HERC6: variants seen among roughly 807,000 people sequenced by gnomAD.
The protein encoded by HERC6 is HECT and RLD domain containing E3 ubiquitin protein ligase family member 6, also known as probable E3 ubiquitin-protein ligase HERC6.
A neutral mutation model predicts 114.5 loss-of-function variants in HERC6; 101 were observed. The observed-to-expected ratio is 0.88, with a 90% confidence interval of 0.75 to 1.04. HERC6 has a LOEUF of 1.04. Ranked by LOEUF, HERC6 falls within the 50% of genes least tolerant of loss-of-function variation. The pLI, the probability that HERC6 is intolerant of heterozygous loss-of-function variation, is 0.00. For synonymous variants in HERC6, 408 were observed against 436.2 expected (o/e 0.94, Z 0.81); for missense variants, 1,133 against 1,230.9 (o/e 0.92, Z 1.19).
intron 20 of HERC6, among the ~76,000 whole-genome samples, 163 bp downstream of exon 20, chr4:88,437,944 A>G (rs1468388663): frequency 2.6e-5 from 4 of 152,180 alleles, no homozygotes; most frequent in Non-Finnish European, 4.4e-5. Flanking sequence ...TTCAAGGCCA[A>G]CCTGGCCAAC....
Position 88,383,268 on chromosome 4 carries a change from G to T in HERC6, c.247G>T (p.Gly83Trp). ...CCTAATTGTTGATCTCGTGAGCTGC[G>T]GGAAGGAGCACTCCCTGGCTGTGTG... ...ETLIVDLVSCGKEHSLAVCHK... is the reference protein window; with the variant it reads ...ETLIVDLVSCWKEHSLAVCHK... Residue 83 changes from glycine to tryptophan, a missense_variant, in exon 2 of 23, where the codon GGG becomes TGG. Transcript: ENST00000264346. 4 of 1,606,678 alleles carry T rather than the reference G, an allele frequency of 2.5e-6. No individual in the cohort carries two copies. Among genetic ancestry groups the T allele is most frequent in the East Asian group, 2.2e-5 (1 of 44,636 alleles).
At chr4:88,434,597 C>T (rs1033214281) in intron 17 of HERC6, among the ~76,000 whole-genome samples, 7 of 151,782 alleles carry the variant, frequency 4.6e-5, no homozygotes, top group Non-Finnish European at 2.9e-5. Flanking sequence ...GAGGAGGTAC[C>T]AACCTTATGA....
intron 13 of HERC6, among the ~76,000 whole-genome samples, chr4:88,418,637 T>C (rs559573070): frequency 2.2e-4 from 34 of 152,356 alleles, no homozygotes; most frequent in African/African-American, 6.7e-4. Flanking sequence ...CTTGGCTCAT[T>C]GCCTGGCCTT....
rs762397970 is a variant in HERC6 at position 88,390,753 on chromosome 4, G to A, written c.538G>A (p.Gly180Arg). 5 of 1,614,166 alleles carry A rather than the reference G, an allele frequency of 3.1e-6. No individual in the cohort carries two copies. The highest frequency in any genetic ancestry group is 1.1e-5 in the South Asian group (1 of 91,080). Residue 180 changes from glycine (G) to arginine (R), a missense_variant, in exon 4 of 23, where the codon GGG becomes AGG. Coordinates refer to ENST00000264346, the MANE Select transcript of HERC6 (RefSeq NM_017912.4). ...CCCGCAGAGGGTGAGGTCCCTGGAGGGGATCCCACTGGCTCAGGTGGCTGC... is the reference window on the plus strand; with the variant it reads ...CCCGCAGAGGGTGAGGTCCCTGGAGAGGATCCCACTGGCTCAGGTGGCTGC... ...ASPQRVRSLEGIPLAQVAAGG... is the reference protein window; with the variant it reads ...ASPQRVRSLERIPLAQVAAGG...
Position 88,424,610 on chromosome 4 carries a change from C to G in HERC6, c.1843C>G (p.Pro615Ala). The change falls in exon 15 of 23, where the codon CCC (proline) becomes GCC (alanine). Residue 615 changes from proline (P) to alanine (A), a missense_variant. Transcript: ENST00000264346. The stretch of plus-strand genomic sequence containing the variant: ...TATTTTTTAGATACCTGCAGAAACC[C>G]CCAGTCCTGTTATTTTCAGTGATTT... ...RDNHLIPAET[P>A]SPVIFSDFPF... The G allele has an allele frequency of 6.2e-7, 1 of 1,607,644 alleles. No individual in the cohort carries two copies. The highest frequency in any genetic ancestry group is 1.3e-5 in the African/African-American group (1 of 74,698).
intron 8 of HERC6, among the ~76,000 whole-genome samples, chr4:88,402,647 G>A (rs1038287993): frequency 4.6e-5 from 7 of 152,322 alleles, no homozygotes; most frequent in East Asian, 1.9e-4. Context: ...CATGGGAATC[G>A]TGGTATGAAG....
chr4:88,413,091 C>T lies in HERC6; in HGVS notation c.1383C>T (p.Leu461=), dbSNP rs375681649. The change falls in exon 12 of 23, where the codon CTC becomes CTT. Residue 461 remains leucine, a synonymous_variant. Transcript: ENST00000264346. ...TTTTACCACAGATAACTACGTGTCT[C>T]GAGGATGATCTGCTCAGAGCTCTTC... ...EWISSMITTC[L]EDDLLRALPC... The T allele has an allele frequency of 3.7e-6, 6 of 1,607,718 alleles. No homozygotes were observed. The African/African-American group carries it at 5.4e-5, about 14-fold the overall frequency.
At chr4:88,387,985 G>A (rs373104773) in intron 3 of HERC6, among the ~76,000 whole-genome samples, 4 of 152,130 alleles carry the variant, frequency 2.6e-5, no homozygotes, top group African/African-American at 4.8e-5. Flanking sequence ...AGAGTTTAAC[G>A]TTTTGCATTT....
intron 17 of HERC6, among the ~76,000 whole-genome samples, chr4:88,432,214 T>C (rs1361464467): frequency 6.6e-6 from 1 of 152,086 alleles, no homozygotes; most frequent in Non-Finnish European, 1.5e-5. Context: ...GTATAAGGTG[T>C]ATACGAACTA....
chr4:88,396,227 T>TTGATAAC, intron 6 of HERC6, 85 bp downstream of exon 6: 1 of 1,159,614 alleles, frequency 8.6e-7, no homozygotes, highest in Non-Finnish European at 1.1e-6. Flanking sequence ...TATGGAATGT[T>TTGATAAC]ATCAAACCTT....
At chr4:88,417,834 T>A (rs1736639587) in intron 13 of HERC6, among the ~76,000 whole-genome samples, 1 of 152,124 alleles carries the variant, frequency 6.6e-6, no homozygotes, top group South Asian at 2.1e-4. Context: ...TAATTCTAGC[T>A]ACTCTGGAAG....
chr4:88,383,387 G>A lies in HERC6; in HGVS notation c.359+7G>A, dbSNP rs2110228652. On this transcript the variant is annotated splice_region_variant and intron_variant, in intron 2 of 22. Transcript: ENST00000264346. ...AAATAAGTTTCACACCTAAGTAAGT[G>A]TTTCAACCCACTCCTTCATTTATTC... 4 of 1,477,430 alleles carry A rather than the reference G, an allele frequency of 2.7e-6. No individual in the cohort carries two copies. The highest frequency in any genetic ancestry group is 3.6e-6 in the Non-Finnish European group (4 of 1,115,130). 91.5% of individuals were successfully genotyped at this position (1,477,430 alleles called of 1,614,324 possible).
intron 12 of HERC6, 38 bp downstream of exon 12, chr4:88,413,304 G>C (rs745988101): frequency 4.7e-6 from 7 of 1,499,464 alleles, no homozygotes; most frequent in African/African-American, 4.2e-5. Context: ...TCTCAATATA[G>C]AGTCACTCTC....
intron 12 of HERC6, 64 bp from the exon 13 acceptor site, chr4:88,417,361 A>G (rs1736584446): frequency 6.9e-7 from 1 of 1,450,656 alleles, no homozygotes; most frequent in African/African-American, 1.4e-5. Flanking sequence ...AGAACCCACT[A>G]GAAACAGAGA....
rs765879685 is a variant in HERC6, at chr4:88,431,188, T to A, written c.2133T>A (p.Pro711=). The A allele has an allele frequency of 6.2e-7, 1 of 1,609,452 alleles. No homozygotes were observed. The highest frequency in any genetic ancestry group is 1.3e-5 in the African/African-American group (1 of 74,634). The change falls in exon 17 of 23, where the codon CCT becomes CCA. Residue 711 remains proline, a synonymous_variant. Coordinates refer to ENST00000264346, the MANE Select transcript of HERC6 (RefSeq NM_017912.4). ...LVVEFINEIC[P]ESGGVSSEFF... ...TTGAATTTATTAATGAAATTTGTCC[T>A]GAGTCTGGAGGGGTTAGTTCAGAGT...
chr4:88,415,512 T>C (rs904129684), intron 12 of HERC6, among the ~76,000 whole-genome samples: 3 of 152,184 alleles, frequency 2.0e-5, no homozygotes, highest in Non-Finnish European at 4.4e-5. Context: ...ACCCCTAGAG[T>C]TGGGAAACCT....
In HERC6 at chr4:88,435,942, T is replaced by C. The variant is rs936334564; in HGVS notation, c.2417+51T>C. The C allele has an allele frequency of 3.3e-5, 45 of 1,367,570 alleles. No individual in the cohort carries two copies. In the Admixed American group the frequency reaches 1.1e-3, roughly 32 times the overall value. 84.7% of individuals were successfully genotyped at this position (1,367,570 alleles called of 1,614,324 possible). A position where few individuals can be genotyped will look rare whatever the true frequency, so the allele number is the denominator to read the frequency against. ...GACCGTATCTAGTAAGTCTCAGTTG[T>C]TTAGGCATAAATAATCTTACACACA... On this transcript the variant is annotated intron_variant, in intron 18 of 22. Transcript: ENST00000264346.
chr4:88,436,521 G>A (rs1738763997), intron 18 of HERC6, among the ~76,000 whole-genome samples: 1 of 152,170 alleles, frequency 6.6e-6, no homozygotes, highest in East Asian at 1.9e-4. Context: ...ATTGTGGGAT[G>A]TTTAGCAGCA....
intron 20 of HERC6, among the ~76,000 whole-genome samples, chr4:88,438,946 C>T (rs1455859786): frequency 6.6e-6 from 1 of 152,190 alleles, no homozygotes; most frequent in Admixed American, 6.5e-5. Context: ...ATGGAAATGC[C>T]TCCAGTAGCA....
Sources: gnomAD v4.1 joint callset for allele counts (sites outside exome capture counted in the v4.1 genomes callset) on GRCh38, gnomAD v4.1.1 for gene constraint, MANE v1.5 for transcripts, NCBI Gene and HGNC (gene_info 2026-07-23, HGNC 2026-07-21) for gene names.